The following HNF4G variants were observed in gnomAD, a reference collection of about 807,000 sequenced individuals.
HNF4G encodes the protein hepatocyte nuclear factor 4-gamma.
In HNF4G, 21 loss-of-function variants were observed where a neutral mutation model predicts 50.9. The ratio of observed to expected loss-of-function variants is 0.41; its 90% CI spans 0.29 to 0.59. The LOEUF (loss-of-function observed/expected upper bound fraction) is 0.59. Among genes scored for constraint, HNF4G ranks in the 20% least tolerant of loss-of-function variants. The probability of loss-of-function intolerance (pLI) is 0.26; values close to 1 mark genes in which losing one functional copy is unlikely to be tolerated. For synonymous variants in HNF4G, 198 were observed against 185.6 expected, an observed-to-expected ratio of 1.07 and a Z score of -0.54; for missense variants, 527 against 559.4, an observed-to-expected ratio of 0.94 and a Z score of 0.58.
intron 5 of HNF4G, among the ~76,000 whole-genome samples, chr8:75,554,941 C>T (rs555106117): frequency 1.2e-3 from 179 of 152,132 alleles, no homozygotes; most frequent in Non-Finnish European, 2.0e-3. Context: ...ACTCCAGATA[C>T]AGGAACAGCA....
chr8:75,560,264 C>G (rs1460890516), intron 8 of HNF4G, 80 bp from the exon 9 acceptor site: 1 of 1,467,504 alleles, frequency 6.8e-7, no homozygotes, highest in Non-Finnish European at 9.4e-7. Context: ...TTTAAGCTGT[C>G]AATCAAAACA....
At chr8:75,524,018 T>C (rs1329225625) in intron 2 of HNF4G, among the ~76,000 whole-genome samples, 1 of 122,978 alleles carries the variant, frequency 8.1e-6, no homozygotes, top group East Asian at 2.2e-4. Flanking sequence ...TGAGTATACT[T>C]ATATACTTAT....
intron 1 of HNF4G, among the ~76,000 whole-genome samples, chr8:75,414,047 T>G (rs917935222): frequency 2.6e-5 from 4 of 152,102 alleles, no homozygotes; most frequent in Non-Finnish European, 4.4e-5. Flanking sequence ...GTAAAACCCC[T>G]TTTTATGCAT....
At chr8:75,441,464 T>C (rs1179421478) in intron 1 of HNF4G, among the ~76,000 whole-genome samples, 1 of 152,124 alleles carries the variant, frequency 6.6e-6, no homozygotes, top group Non-Finnish European at 1.5e-5. Context: ...CAGGCTGATG[T>C]CAAACTCCTG....
intron 1 of HNF4G, among the ~76,000 whole-genome samples, chr8:75,430,076 G>A (rs1185857758): frequency 6.6e-6 from 1 of 151,800 alleles, no homozygotes; most frequent in African/African-American, 2.4e-5. Flanking sequence ...GTTTGAACCC[G>A]GGAGGCAGAG....
rs540750810 is a variant in HNF4G at position 75,448,990 on chromosome 8, T to A, written c.-144+40828T>A. 2.0e-5 allele frequency among the ~76,000 whole-genome samples: 3 copies of A among 152,260 alleles called. No individual in the cohort carries two copies. The East Asian group carries it at 5.8e-4, about 29-fold the overall frequency. On this transcript the variant is annotated intron_variant, in intron 1 of 10. Transcript: ENST00000354370. Reference sequence around the variant, plus strand: ...TGACAAAGAAAATCAAATAGCATAATTTCACAAAAACTGAGATTTGGGGGG... The same window carrying A: ...TGACAAAGAAAATCAAATAGCATAAATTCACAAAAACTGAGATTTGGGGGG...
chr8:75,448,222 G>C (rs1455565433), intron 1 of HNF4G, among the ~76,000 whole-genome samples: 1 of 137,980 alleles, frequency 7.2e-6, no homozygotes, highest in Admixed American at 7.5e-5. Flanking sequence ...TCATAGGTGG[G>C]AATTGAACAG....
At chr8:75,551,130 G>A (rs1375515942) in intron 3 of HNF4G, among the ~76,000 whole-genome samples, 1 of 152,046 alleles carries the variant, frequency 6.6e-6, no homozygotes, top group Non-Finnish European at 1.5e-5. Context: ...AATACAGCGT[G>A]GCGGAACTGG....
chr8:75,493,347 C>T (rs2977904), intron 2 of HNF4G, among the ~76,000 whole-genome samples: 23,846 of 151,970 alleles, frequency 0.16, 3,127 homozygotes, highest in African/African-American at 0.36. Context: ...CTGAAGAGTG[C>T]TTAGAAAAAG....
chr8:75,498,713 C>G lies in HNF4G; in HGVS notation c.-24+8505C>G, dbSNP rs76983841. Among the ~76,000 whole-genome samples the G allele has an allele frequency of 5.1e-3, 772 of 152,024 alleles. 13 individuals carry two copies. Among genetic ancestry groups the G allele is most frequent in the African/African-American group, 0.018 (745 of 41,520 alleles). On this transcript the variant is annotated intron_variant, in intron 2 of 10. Transcript: ENST00000354370. ...GAAAAAAAGGATTATCTATCATAAT[C>G]AAGTGGGCTTTATCTCACAAATGAA... is the stretch of plus-strand genomic sequence containing the variant.
chr8:75,547,485 C>T (rs746813941), intron 2 of HNF4G, 102 bp from the exon 3 acceptor site: 22 of 839,650 alleles, frequency 2.6e-5, no homozygotes, highest in Admixed American at 4.4e-5. Context: ...TTCTTTTTAT[C>T]GAACCGAATT....
chr8:75,542,454 G>A (rs757485860), intron 1 of HNF4G, among the ~76,000 whole-genome samples: 11 of 148,172 alleles, frequency 7.4e-5, no homozygotes, highest in Non-Finnish European at 1.6e-4. Context: ...TCAAAGAAAC[G>A]TTTAGGGAGG....
chr8:75,513,921 T>C (rs1248531184), intron 2 of HNF4G, among the ~76,000 whole-genome samples: 1 of 151,944 alleles, frequency 6.6e-6, no homozygotes, highest in East Asian at 1.9e-4. Flanking sequence ...CTATAGTCAG[T>C]TTTTTAAATG....
chr8:75,490,779 T>A (rs1170630490), intron 2 of HNF4G, among the ~76,000 whole-genome samples: 1 of 152,228 alleles, frequency 6.6e-6, no homozygotes, highest in Non-Finnish European at 1.5e-5. Flanking sequence ...CAATATTTTT[T>A]GTCCAGTAAA....
chr8:75,415,590 G>A (rs957741781), intron 1 of HNF4G, among the ~76,000 whole-genome samples: 1 of 152,116 alleles, frequency 6.6e-6, no homozygotes, highest in African/African-American at 2.4e-5. Context: ...ACTAAGAATT[G>A]AGCATTGCAG....
chr8:75,413,317 A>AGGGGAGGGGAAGGAGGGGAGGGGAGGGGT (rs1810546813), intron 1 of HNF4G, among the ~76,000 whole-genome samples: 1 of 41,692 alleles, frequency 2.4e-5, no homozygotes, highest in African/African-American at 9.9e-5. Context: ...AAGGGAGGGA[A>AGGGGAGGGGAAGGAGGGGAGGGGAGGGGT]GGGGAGGGGA....
intron 1 of HNF4G, among the ~76,000 whole-genome samples, chr8:75,426,008 T>C (rs1008112405): frequency 6.6e-6 from 1 of 152,330 alleles, no homozygotes; most frequent in Admixed American, 6.5e-5. Context: ...ATATTTCTAT[T>C]TTGTCAATTG....
At chr8:75,471,304 A>G (rs1213451089) in intron 1 of HNF4G, among the ~76,000 whole-genome samples, 2 of 152,200 alleles carry the variant, frequency 1.3e-5, no homozygotes, top group Non-Finnish European at 2.9e-5. Context: ...CTCTTGTAGC[A>G]TAATCTGAAA....
intron 1 of HNF4G, among the ~76,000 whole-genome samples, chr8:75,487,253 T>C (rs1003022400): frequency 7.4e-6 from 1 of 135,152 alleles, no homozygotes; most frequent in African/African-American, 2.8e-5. Flanking sequence ...ATTCTTATAT[T>C]TTTTTATTTT....
Sources: allele counts gnomAD v4.1 joint callset (sites outside exome capture counted in the v4.1 genomes callset), GRCh38; gene constraint gnomAD v4.1.1; transcripts MANE v1.5; gene names NCBI Gene and HGNC (gene_info 2026-07-23, HGNC 2026-07-21).